The following CFAP70 variants were observed in gnomAD, a reference collection of about 807,000 sequenced individuals.
The protein encoded by CFAP70 is cilia- and flagella-associated protein 70.
CFAP70 carries 81 observed loss-of-function variants against 137.6 expected under a neutral mutation model. The ratio of observed to expected loss-of-function variants is 0.59; its 90% CI spans 0.49 to 0.71. CFAP70 has a LOEUF of 0.71. CFAP70 is among the 30% of genes least tolerant of loss of function. The pLI is 0.00. For synonymous variants in CFAP70, 382 were observed against 423.6 expected, an observed-to-expected ratio of 0.90 and a Z score of 1.20; for missense variants, 976 against 1,226.7, an observed-to-expected ratio of 0.80 and a Z score of 3.05.
intron 1 of CFAP70, among the ~76,000 whole-genome samples, chr10:73,356,497 T>C (rs1337236713): frequency 6.6e-6 from 1 of 152,204 alleles, no homozygotes; most frequent in Non-Finnish European, 1.5e-5. Flanking sequence ...CTGTGCCTGT[T>C]GAAAAGGCCT....
chr10:73,331,169 A>G lies in CFAP70; in HGVS notation c.777+8T>C. On this transcript the variant is annotated splice_region_variant and intron_variant, in intron 8 of 26. Transcript: ENST00000310715. ...CTTATATAAATATTTTTGAGGGGGC[A>G]TATTTACCTTTTCAGTTTTGCCAGC... is the stretch of plus-strand genomic sequence containing the variant. 1 of 1,595,934 alleles carries G rather than the reference A, an allele frequency of 6.3e-7. No individual in the cohort carries two copies. The highest frequency in any genetic ancestry group is 1.1e-5 in the South Asian group (1 of 90,072).
intron 9 of CFAP70, 34 bp downstream of exon 10, chr10:73,322,929 T>A: frequency 6.4e-7 from 1 of 1,557,492 alleles, no homozygotes. Context: ...AAAGGATAAA[T>A]TACCATGATG....
In CFAP70 at chr10:73,348,538, A is replaced by T. The variant is rs769502884; in HGVS notation, c.251-17T>A. On this transcript the variant is annotated splice_polypyrimidine_tract_variant and intron_variant, in intron 3 of 26. Coordinates refer to ENST00000310715, the Ensembl canonical transcript of CFAP70. ...TCACAGTTACTAGAAAAATCAAAAC[A>T]AAGAAAATGAGACATTTAAAACACA... 2.0e-6 allele frequency: 3 copies of T among 1,466,214 alleles called. No individual in the cohort carries two copies. The highest frequency in any genetic ancestry group is 2.8e-6 in the Non-Finnish European group (3 of 1,090,074). The allele number at this position is 1,466,214 out of a possible 1,614,324, so 90.8% of individuals were successfully genotyped here.
At chr10:73,281,087 G>C (rs913079108) in intron 19 of CFAP70, among the ~76,000 whole-genome samples, 5 of 152,000 alleles carry the variant, frequency 3.3e-5, no homozygotes, top group African/African-American at 4.8e-5. Context: ...CACACATTTT[G>C]CTTTGTTTTG....
chr10:73,329,346 C>G (rs1003169914), intron 8 of CFAP70, among the ~76,000 whole-genome samples: 2 of 150,294 alleles, frequency 1.3e-5, no homozygotes, highest in Admixed American at 6.6e-5. Flanking sequence ...GTTGTGGGGT[C>G]GGGGGAGCGG....
chr10:73,362,306 G>A (rs1004176026), upstream of CFAP70, among the ~76,000 whole-genome samples: 5 of 152,148 alleles, frequency 3.3e-5, no homozygotes, highest in Admixed American at 3.3e-4. Flanking sequence ...ATAAATTTGA[G>A]GGTTTTCTAT....
At chr10:73,281,097 G>C (rs759326579) in intron 19 of CFAP70, among the ~76,000 whole-genome samples, 1 of 151,878 alleles carries the variant, frequency 6.6e-6, no homozygotes, top group Admixed American at 6.6e-5. Flanking sequence ...GCTTTGTTTT[G>C]CTATCATTAT....
intron 9 of CFAP70, among the ~76,000 whole-genome samples, chr10:73,319,148 T>C (rs1300862991): frequency 6.6e-6 from 1 of 152,202 alleles, no homozygotes; most frequent in African/African-American, 2.4e-5. Context: ...CAAGAGATGT[T>C]TGCTTTATAG....
At chr10:73,297,066 A>T (rs750081174) in exon 15 of CFAP70, 1 of 1,613,822 alleles carries the variant, frequency 6.2e-7, no homozygotes. Context: ...CATGCATCTG[A>T]TCTACTAAGA....
At chr10:73,344,873 TATATA>T (rs2053578150) in intron 5 of CFAP70, among the ~76,000 whole-genome samples, 187 bp downstream of exon 6, 1 of 151,992 alleles carries the variant, frequency 6.6e-6, no homozygotes, top group Middle Eastern at 3.2e-3. Context: ...TAATGCATAA[TATATA>T]ATATGTAAAT....
At chr10:73,338,773 T>C (rs1185774263) in intron 6 of CFAP70, among the ~76,000 whole-genome samples, 1 of 151,966 alleles carries the variant, frequency 6.6e-6, no homozygotes, top group Non-Finnish European at 1.5e-5. Flanking sequence ...AATACAGTAT[T>C]TGTGGGATGT....
chr10:73,296,387 G>A (rs971549402), intron 15 of CFAP70: 7 of 152,364 alleles, frequency 4.6e-5, no homozygotes, highest in African/African-American at 1.7e-4. Flanking sequence ...AAGAGGTGAT[G>A]GTGGTAGAGA....
rs554622254 is a variant in CFAP70 at position 73,346,747 on chromosome 10, A to G, written c.350-1633T>C. 5.3e-4 allele frequency among the ~76,000 whole-genome samples: 80 copies of G among 152,332 alleles called. 2 individuals carry two copies. The South Asian group carries it at 7.1e-3, about 13-fold the overall frequency. On this transcript the variant is annotated intron_variant, in intron 4 of 26. Coordinates refer to ENST00000310715, the Ensembl canonical transcript of CFAP70. ...CCTTTCAACATAGAACTCATGTCAT[A>G]GTGTCAAGATTTATGCAAAATCTAT...
In CFAP70 at chr10:73,277,221, C is replaced by A; in HGVS notation, c.2520+19G>T. On this transcript the variant is annotated intron_variant, in intron 21 of 26. Coordinates refer to ENST00000310715, the Ensembl canonical transcript of CFAP70. ...GCTAAAATCTTTCCATCTACTTGCC[C>A]TTTTCCAAATACTCTGACCTGCACA... 2 of 1,599,416 alleles carry A rather than the reference C, an allele frequency of 1.3e-6. No individual in the cohort carries two copies. The highest frequency in any genetic ancestry group is 1.1e-5 in the South Asian group (1 of 88,116).
intron 19 of CFAP70, among the ~76,000 whole-genome samples, chr10:73,279,401 G>A (rs1344554169): frequency 6.6e-6 from 1 of 151,734 alleles, no homozygotes; most frequent in Non-Finnish European, 1.5e-5. Context: ...GCGGGCGCCT[G>A]TAGTCCCAGC....
rs1403723150 is a variant in CFAP70 at position 73,322,882 on chromosome 10, A to G, written c.912+81T>C. On this transcript the variant is annotated intron_variant, in intron 9 of 26. Transcript: ENST00000310715. ...AACTGGTTCTAAATATCAGTTGCAAAGATGTATATGCTAAAGATGTAAGTA... is the reference window on the plus strand; with the variant it reads ...AACTGGTTCTAAATATCAGTTGCAAGGATGTATATGCTAAAGATGTAAGTA... The G allele has an allele frequency of 2.4e-6, 3 of 1,245,522 alleles. No individual in the cohort carries two copies. In the African/African-American group the frequency reaches 4.6e-5, roughly 19 times the overall value. The allele number at this position is 1,245,522 out of a possible 1,614,324, so 77.2% of individuals were successfully genotyped here. A position where few individuals can be genotyped will look rare whatever the true frequency, so the allele number is the denominator to read the frequency against.
At chr10:73,274,640 A>T in intron 22 of CFAP70, 46 bp from the exon 24 acceptor site, 1 of 1,498,902 alleles carries the variant, frequency 6.7e-7, no homozygotes, top group Non-Finnish European at 9.0e-7. Context: ...GGTAGTATTT[A>T]AAAGTACCTT....
At chr10:73,350,166 T>C (rs2054075839) in intron 3 of CFAP70, among the ~76,000 whole-genome samples, 1 of 152,274 alleles carries the variant, frequency 6.6e-6, no homozygotes, top group Non-Finnish European at 1.5e-5. Flanking sequence ...CTCTCTTTTG[T>C]TGAAGACACC....
At chr10:73,269,135 C>T (rs1171107021) in intron 25 of CFAP70, among the ~76,000 whole-genome samples, 1 of 152,134 alleles carries the variant, frequency 6.6e-6, no homozygotes, top group Non-Finnish European at 1.5e-5. Flanking sequence ...GGGCTACTGT[C>T]GTTATTCCCA....
Sources: allele counts gnomAD v4.1 joint callset (sites outside exome capture counted in the v4.1 genomes callset), GRCh38; gene constraint gnomAD v4.1.1; transcripts MANE v1.5; gene names NCBI Gene and HGNC (gene_info 2026-07-23, HGNC 2026-07-21).